KCTD14: variants seen among roughly 807,000 people sequenced by gnomAD.
KCTD14 encodes potassium channel tetramerization domain containing 14, also known as BTB/POZ domain-containing protein KCTD14.
KCTD14 carries 7 observed loss-of-function variants against 5.9 expected under a neutral mutation model. The observed-to-expected ratio is 1.19, with a 90% CI of 0.68 to 2.23. KCTD14 has a LOEUF of 2.23. Among genes scored for constraint, KCTD14 ranks in the 30% most tolerant of loss-of-function variants. The pLI, the probability that KCTD14 is intolerant of heterozygous loss-of-function variation, is 0.00. For synonymous variants in KCTD14, 140 were observed against 133.1 expected (o/e 1.05, Z -0.36); for missense variants, 342 against 332.2 (o/e 1.03, Z -0.23).
At chr11:78,025,118 G>GTGTATATATATATATATA (rs1230114793), upstream of KCTD14, among the ~76,000 whole-genome samples, 1 of 44,470 alleles carries the variant, frequency 2.2e-5, no homozygotes, top group Non-Finnish European at 4.5e-5. Context: ...GTGTGTGTGT[G>GTGTATATATATATATATA]TATATATATA....
intron 2 of KCTD14, among the ~76,000 whole-genome samples, chr11:78,030,554 A>G (rs1189061088): frequency 2.6e-5 from 4 of 152,188 alleles, no homozygotes; most frequent in Non-Finnish European, 5.9e-5. Context: ...GCTATTGCCT[A>G]TCACTGGATC....
At chr11:78,033,901 G>GTGTATATATATATATATATATATATA in intron 2 of KCTD14, among the ~76,000 whole-genome samples, 3 of 115,590 alleles carry the variant, frequency 2.6e-5, no homozygotes, top group African/African-American at 7.0e-5. Flanking sequence ...GTGTGTGTGT[G>GTGTATATATATATATATATATATATA]TATATATATA....
chr11:78,028,834 G>A (rs1013916737), intron 2 of KCTD14, among the ~76,000 whole-genome samples: 4 of 152,002 alleles, frequency 2.6e-5, no homozygotes, highest in South Asian at 2.1e-4. Context: ...ACAGCTATTC[G>A]GGAGGGTAAA....
At position 78,034,934 on chromosome 11, in the gene KCTD14, A is replaced by C. The variant is rs146268401; in HGVS notation, c.-1+3730T>G. Among the ~76,000 whole-genome samples the C allele has an allele frequency of 4.2e-3, 640 of 152,220 alleles. 7 individuals carry two copies. The highest frequency in any genetic ancestry group is 0.015 in the African/African-American group (613 of 41,526). ...CTCTTCTTTACTCTCTACCGCCACC[A>C]TCTTGCCACCATATGTAGCCTGAGA... On this transcript the variant is annotated intron_variant, in intron 2 of 2. Transcript: ENST00000533144.
chr11:78,029,359 G>C (rs61900197), intron 2 of KCTD14, among the ~76,000 whole-genome samples: 71,640 of 151,818 alleles, frequency 0.47, 17,438 homozygotes, highest in African/African-American at 0.59. Flanking sequence ...TTTCACCAAA[G>C]GAAGAAACCT....
chr11:78,030,273 G>A (rs1857578475), intron 2 of KCTD14, among the ~76,000 whole-genome samples: 1 of 152,096 alleles, frequency 6.6e-6, no homozygotes, highest in Non-Finnish European at 1.5e-5. Flanking sequence ...GTTCAAAATA[G>A]GCATTAGCAC....
Position 78,039,392 on chromosome 11 carries a change from G to A in KCTD14, c.-95-634C>T, listed in dbSNP as rs533197978. Among the ~76,000 whole-genome samples the A allele has an allele frequency of 3.9e-5, 6 of 152,058 alleles. No homozygotes were observed. The South Asian group carries it at 1.0e-3, about 26-fold the overall frequency. ...AAAATAAATAAAATTAGCCAGGTGT[G>A]GTGGTGTGCTCCTGTAATCCCAGCT... is the stretch of plus-strand genomic sequence containing the variant. On this transcript the variant is annotated intron_variant, in intron 1 of 2. Transcript: ENST00000533144.
chr11:78,046,024 G>T (rs937437329), intron 1 of KCTD14: 2 of 891,458 alleles, frequency 2.2e-6, no homozygotes, highest in African/African-American at 1.8e-5. Context: ...GCGTTTGCCA[G>T]AATAATGGCC....
chr11:78,030,223 A>T (rs950465593), intron 2 of KCTD14, among the ~76,000 whole-genome samples: 1 of 152,066 alleles, frequency 6.6e-6, no homozygotes, highest in Non-Finnish European at 1.5e-5. Flanking sequence ...TAGGAAAAAA[A>T]CTCAGTTTTC....
rs1273627004 is a variant in KCTD14 at position 78,023,214 on chromosome 11, G to A, written c.36C>T (p.Gly12=). 1.2e-6 allele frequency: 2 copies of A among 1,607,700 alleles called. No homozygotes were observed. The highest frequency in any genetic ancestry group is 1.7e-6 in the Non-Finnish European group (2 of 1,179,194). ...GCAGAGGGGTCTGGCTCGTCATCCTGCCCACTGGCCGCTCCACTGCGCAGC... is the reference window on the plus strand; with the variant it reads ...GCAGAGGGGTCTGGCTCGTCATCCTACCCACTGGCCGCTCCACTGCGCAGC... ...WQGCAVERPV[G]RMTSQTPLPQ... The change falls in exon 1 of 2, where the codon GGC becomes GGT. Residue 12 remains glycine, a synonymous_variant. Transcript: ENST00000353172.
upstream of KCTD14, among the ~76,000 whole-genome samples, chr11:78,025,155 T>TATATATAA (rs1417247331): frequency 4.5e-5 from 6 of 132,418 alleles, no homozygotes; most frequent in Admixed American, 2.4e-4. Flanking sequence ...TATATATATA[T>TATATATAA]AAAGGGGAGT....
intron 1 of KCTD14, 33 bp downstream of exon 1, chr11:78,023,127 G>C (rs774694575): frequency 1.1e-5 from 15 of 1,408,354 alleles, no homozygotes; most frequent in Non-Finnish European, 1.4e-5. Flanking sequence ...GCGGAGGACA[G>C]AGGCGCGGGG....
chr11:78,035,082 C>A (rs752548937), intron 2 of KCTD14, among the ~76,000 whole-genome samples: 2 of 152,084 alleles, frequency 1.3e-5, no homozygotes, highest in Non-Finnish European at 2.9e-5. Flanking sequence ...GGTTAGGTGA[C>A]CGAGGGTTTT....
intron 1 of KCTD14, among the ~76,000 whole-genome samples, chr11:78,040,883 T>G (rs1294735257): frequency 2.0e-5 from 3 of 152,154 alleles, no homozygotes; most frequent in Non-Finnish European, 2.9e-5. Context: ...TTGGCCAAGC[T>G]GGTCTCCAAC....
chr11:78,036,110 G>A (rs535879466), intron 2 of KCTD14, among the ~76,000 whole-genome samples: 2 of 152,176 alleles, frequency 1.3e-5, no homozygotes, highest in East Asian at 3.9e-4. Flanking sequence ...ATTGAGCAGA[G>A]ATTGCACCAC....
intron 1 of KCTD14, among the ~76,000 whole-genome samples, chr11:78,042,745 A>T (rs974985043): frequency 1.3e-5 from 2 of 152,172 alleles, no homozygotes; most frequent in Admixed American, 1.3e-4. Flanking sequence ...AGAGAAAGGG[A>T]AAAGTTCTCT....
intron 1 of KCTD14, among the ~76,000 whole-genome samples, chr11:78,038,926 A>C (rs1484827962): frequency 6.6e-6 from 1 of 152,210 alleles, no homozygotes; most frequent in African/African-American, 2.4e-5. Context: ...GGCTGCCAGC[A>C]AAAGAATCCC....
chr11:78,039,183 T>C (rs1857917484), intron 1 of KCTD14, among the ~76,000 whole-genome samples: 1 of 151,646 alleles, frequency 6.6e-6, no homozygotes, highest in Non-Finnish European at 1.5e-5. Flanking sequence ...CTACTACATA[T>C]ATATCCACTA....
At chr11:78,035,058 C>T (rs1358152324) in intron 2 of KCTD14, among the ~76,000 whole-genome samples, 2 of 152,172 alleles carry the variant, frequency 1.3e-5, no homozygotes, top group Non-Finnish European at 2.9e-5. Flanking sequence ...TAAGGCCCTA[C>T]CCCTGGAGTT....
Sources: allele counts gnomAD v4.1 joint callset (sites outside exome capture counted in the v4.1 genomes callset), GRCh38; gene constraint gnomAD v4.1.1; transcripts MANE v1.5; gene names NCBI Gene and HGNC (gene_info 2026-07-23, HGNC 2026-07-21).